MPI: variants seen among roughly 807,000 people sequenced by gnomAD.
MPI encodes mannose-6-phosphate isomerase.
Under a neutral mutation model 40.1 loss-of-function variants are expected in MPI, and 33 were observed. The observed-to-expected ratio is 0.82, with a 90% CI of 0.62 to 1.10. The LOEUF (loss-of-function observed/expected upper bound fraction) is 1.10, where lower values mean the gene tolerates loss of function less well. MPI is among the 50% of genes least tolerant of loss of function. The pLI, the probability that MPI is intolerant of heterozygous loss-of-function variation, is 0.00. For synonymous variants in MPI, 187 were observed against 207.4 expected, an observed-to-expected ratio of 0.90 and a Z score of 0.85; for missense variants, 514 against 524.1, an observed-to-expected ratio of 0.98 and a Z score of 0.19.
rs1315694222 is a variant in MPI, at chr15:74,898,775, G to C, written c.*1045G>C. On this transcript the variant is annotated 3_prime_UTR_variant, in exon 8 of 8. Transcript: ENST00000352410. ...AGGATGGTCTCGATCTTCTGACCTC[G>C]TGATCCGCCCACCTCAGCCTCCCAA... The C allele has an allele frequency of 6.6e-6, 1 of 152,232 alleles. No homozygotes were observed. Among genetic ancestry groups the C allele is most frequent in the African/African-American group, 2.4e-5 (1 of 41,420 alleles). The allele number at this position is 152,232 out of a possible 1,614,324, so 9.4% of individuals were successfully genotyped here.
At position 74,896,209 on chromosome 15, in the gene MPI, A is replaced by T; in HGVS notation, c.728A>T (p.Gln243Leu). 6 of 1,614,214 alleles carry T rather than the reference A, an allele frequency of 3.7e-6. No homozygotes were observed. The highest frequency in any genetic ancestry group is 5.1e-6 in the Non-Finnish European group (6 of 1,180,042). The change falls in exon 6 of 8, where the codon CAG (glutamine) becomes CTG (leucine). Residue 243 changes from glutamine (Q) to leucine (L), a missense_variant. Coordinates refer to ENST00000352410, the MANE Select transcript of MPI (RefSeq NM_002435.3). ...IFGELLLQLHQQYPGDIGCFA... is the reference protein window; with the variant it reads ...IFGELLLQLHLQYPGDIGCFA... ...GGGGAGCTTTTGCTACAGCTGCACC[A>T]GCAGTACCCAGGTGATATCGGCTGC...
rs1227331122 is a variant in MPI, at chr15:74,899,574, T to C, written c.*1844T>C. 1 of 152,244 alleles carries C rather than the reference T, an allele frequency of 6.6e-6. No homozygotes were observed. The highest frequency in any genetic ancestry group is 1.5e-5 in the Non-Finnish European group (1 of 68,046). 9.4% of individuals were successfully genotyped at this position (152,244 alleles called of 1,614,324 possible). On this transcript the variant is annotated 3_prime_UTR_variant, in exon 8 of 8. Transcript: ENST00000352410. ...AAGGGGAGGGAGTTTCCAGAAGGAATTGCTGTAGTCAGCTGTTAAGCTATT... is the reference window on the plus strand; with the variant it reads ...AAGGGGAGGGAGTTTCCAGAAGGAACTGCTGTAGTCAGCTGTTAAGCTATT...
Position 74,896,228 on chromosome 15 carries a change from C to T in MPI, c.747C>T (p.Ile249=), listed in dbSNP as rs778875616. The part of the protein sequence containing the change: ...LQLHQQYPGD[I]GCFAIYFLNL... ...TGCACCAGCAGTACCCAGGTGATATCGGCTGCTTTGCCATCTACTTCCTGA... is the reference window on the plus strand; with the variant it reads ...TGCACCAGCAGTACCCAGGTGATATTGGCTGCTTTGCCATCTACTTCCTGA... The change falls in exon 6 of 8, where the codon ATC becomes ATT. Residue 249 remains isoleucine (I), a synonymous_variant. Transcript: ENST00000352410. 1.4e-5 allele frequency: 22 copies of T among 1,614,022 alleles called. No individual in the cohort carries two copies. Among genetic ancestry groups the T allele is most frequent in the African/African-American group, 8.0e-5 (6 of 74,896 alleles).
chr15:74,896,466 C>A, intron 6 of MPI, 141 bp downstream of exon 6: 1 of 884,242 alleles, frequency 1.1e-6, no homozygotes, highest in Non-Finnish European at 1.8e-6. Flanking sequence ...CTGGGCTCAG[C>A]AAGCAACAGC....
In MPI at chr15:74,893,355, C is replaced by T. The variant is rs745725599; in HGVS notation, c.670+35C>T. On this transcript the variant is annotated intron_variant, in intron 5 of 7. Coordinates refer to ENST00000352410, the MANE Select transcript of MPI (RefSeq NM_002435.3). ...GTTATATTCCTGGTTGGGTGCAATG[C>T]TCTGGCCTGGGCTTCCCAGCAGACA... 6.5e-5 allele frequency: 104 copies of T among 1,610,678 alleles called. No homozygotes were observed. In the East Asian group the frequency reaches 1.2e-3, roughly 19 times the overall value.
rs746966632 is a variant in MPI, at chr15:74,897,874, G to A, written c.*144G>A. 2.3e-5 allele frequency: 18 copies of A among 798,328 alleles called. No individual in the cohort carries two copies. The highest frequency in any genetic ancestry group is 3.4e-5 in the Non-Finnish European group (16 of 472,984). The allele number at this position is 798,328 out of a possible 1,614,324, so 49.5% of individuals were successfully genotyped here. A position where few individuals can be genotyped will look rare whatever the true frequency, so the allele number is the denominator to read the frequency against. On this transcript the variant is annotated 3_prime_UTR_variant, in exon 8 of 8. Coordinates refer to ENST00000352410, the MANE Select transcript of MPI (RefSeq NM_002435.3). ...GAGCTGGGGTGGGGGAGGAGGGAGCGTGAAGGTAGTGACTCCTGAACACAC... is the reference window on the plus strand; with the variant it reads ...GAGCTGGGGTGGGGGAGGAGGGAGCATGAAGGTAGTGACTCCTGAACACAC...
chr15:74,890,603 G>C lies in MPI; in HGVS notation c.93G>C (p.Leu31Phe). The C allele has an allele frequency of 6.2e-7, 1 of 1,614,126 alleles. No individual in the cohort carries two copies. Among genetic ancestry groups the C allele is most frequent in the Non-Finnish European group, 8.5e-7 (1 of 1,180,046 alleles). ...MGSNSEVARL[L>F]ASSDPLAQIA... ...CCAACAGCGAAGTGGCGCGGCTGTT[G>C]GCCAGCAGTGATCCACTGGCCCAGA... Residue 31 changes from leucine (L) to phenylalanine (F), a missense_variant, in exon 2 of 8, where the codon TTG (leucine) becomes TTC (phenylalanine). Leu to Phe is a conservative substitution (Grantham distance 22). Transcript: ENST00000352410.
In MPI at chr15:74,893,458, C is replaced by T. The variant is rs1177823698; in HGVS notation, c.670+138C>T. ...GGGCCCCACTTAGATGACCTGTTGG[C>T]AACTTAGCATTGCTTGCCTAGTCTT... On this transcript the variant is annotated intron_variant, in intron 5 of 7. Coordinates refer to ENST00000352410, the MANE Select transcript of MPI (RefSeq NM_002435.3). The T allele has an allele frequency of 1.0e-5, 9 of 882,554 alleles. No homozygotes were observed. The Admixed American group carries it at 1.6e-4, about 16-fold the overall frequency. 54.7% of individuals were successfully genotyped at this position (882,554 alleles called of 1,614,324 possible).
intron 5 of MPI, among the ~76,000 whole-genome samples, chr15:74,894,000 G>T (rs2064765364): frequency 7.7e-6 from 1 of 129,122 alleles, no homozygotes. Flanking sequence ...TGAGCCTTAG[G>T]GCATTATTTA....
intron 2 of MPI, 86 bp downstream of exon 2, chr15:74,890,740 G>C: frequency 6.3e-7 from 1 of 1,592,856 alleles, no homozygotes; most frequent in Non-Finnish European, 8.5e-7. Context: ...AGCTGGGAAG[G>C]GTGAGGCAGC....
intron 5 of MPI, chr15:74,893,724 A>G (rs756265971): frequency 3.1e-5 from 15 of 490,902 alleles, no homozygotes; most frequent in Non-Finnish European, 5.2e-5. Context: ...GCACTCAGTC[A>G]TTTGATCTTT....
At position 74,890,522 on chromosome 15, in the gene MPI, C is replaced by T. The variant is rs2064708436; in HGVS notation, c.17-5C>T. 6.2e-7 allele frequency: 1 copy of T among 1,614,076 alleles called. No homozygotes were observed. The highest frequency in any genetic ancestry group is 2.2e-5 in the East Asian group (1 of 44,882). On this transcript the variant is annotated splice_polypyrimidine_tract_variant and splice_region_variant and intron_variant, in intron 1 of 7. Transcript: ENST00000352410. ...AGTGGCAGCTGACCCTGTCTGTGCC[C>T]CTAGTATTCCCACTTTCCTGTGCGG... is the stretch of plus-strand genomic sequence containing the variant.
At chr15:74,894,094 GT>G (rs2064775539) in intron 5 of MPI, among the ~76,000 whole-genome samples, 2 of 41,568 alleles carry the variant, frequency 4.8e-5, no homozygotes, top group Admixed American at 4.9e-4. Context: ...GTGTGTGTGT[GT>G]GTGTGTGTGT....
intron 2 of MPI, 64 bp downstream of exon 2, chr15:74,890,718 G>A: frequency 3.1e-6 from 5 of 1,604,868 alleles, no homozygotes; most frequent in Non-Finnish European, 4.2e-6. Context: ...CCTGAGGCAA[G>A]TCATAAGAAT....
At chr15:74,892,523 G>A in intron 3 of MPI, 138 bp from the exon 4 acceptor site, 1 of 1,288,570 alleles carries the variant, frequency 7.8e-7, no homozygotes, top group Non-Finnish European at 1.1e-6. Flanking sequence ...GCTTTGACTG[G>A]GCTCCTTGCC....
Position 74,892,776 on chromosome 15 carries a change from T to C in MPI, c.461T>C (p.Val154Ala). 6.2e-7 allele frequency: 1 copy of C among 1,614,212 alleles called. No homozygotes were observed. Among genetic ancestry groups the C allele is most frequent in the South Asian group, 1.1e-5 (1 of 91,088 alleles). Reference protein sequence around the residue: ...PFQGLCGFRPVEEIVTFLKKV... With the variant: ...PFQGLCGFRPAEEIVTFLKKV... ...CAGGGCTTGTGTGGCTTCCGGCCAG[T>C]TGAGGAGATTGTAACCTTTCTAAAG... The change falls in exon 4 of 8, where the codon GTT becomes GCT. Residue 154 changes from valine (V) to alanine (A), a missense_variant. Coordinates refer to ENST00000352410, the MANE Select transcript of MPI (RefSeq NM_002435.3).
At chr15:74,892,632 ATCC>A (rs781601811) in intron 3 of MPI, 26 bp from the exon 4 acceptor site, 1 of 1,613,548 alleles carries the variant, frequency 6.2e-7, no homozygotes, top group South Asian at 1.1e-5. Context: ...TACCCTCACC[ATCC>A]TCCTCTTCCC....
Position 74,897,584 on chromosome 15 carries a change from A to G in MPI, c.1126A>G (p.Thr376Ala), listed in dbSNP as rs1324340168. The G allele has an allele frequency of 6.2e-7, 1 of 1,614,000 alleles. No homozygotes were observed. Among genetic ancestry groups the G allele is most frequent in the East Asian group, 2.2e-5 (1 of 44,892 alleles). The change falls in exon 8 of 8, where the codon ACA (threonine) becomes GCA (alanine). Residue 376 changes from threonine (T) to alanine (A), a missense_variant. Coordinates refer to ENST00000352410, the MANE Select transcript of MPI (RefSeq NM_002435.3). ...CAGCATCCTCCTGATGGTACAGGGG[A>G]CAGTAATAGCCAGCACACCCACAAC... ...SASILLMVQG[T>A]VIASTPTTQT...
chr15:74,894,653 G>T (rs1424603231), intron 5 of MPI, among the ~76,000 whole-genome samples: 1 of 150,540 alleles, frequency 6.6e-6, no homozygotes, highest in Non-Finnish European at 1.5e-5. Context: ...TGGGCATGGT[G>T]GTGTGTGCCT....
Sources: allele counts gnomAD v4.1 joint callset (sites outside exome capture counted in the v4.1 genomes callset), GRCh38; gene constraint gnomAD v4.1.1; transcripts MANE v1.5; gene names NCBI Gene and HGNC (gene_info 2026-07-23, HGNC 2026-07-21).